The following PCCB variants were observed in gnomAD, a reference collection of about 807,000 sequenced individuals.
PCCB encodes the protein propionyl-CoA carboxylase beta chain, mitochondrial.
PCCB carries 43 observed loss-of-function variants against 60.7 expected under a neutral mutation model. The ratio of observed to expected loss-of-function variants is 0.71; its 90% CI spans 0.55 to 0.91. The LOEUF (loss-of-function observed/expected upper bound fraction) is 0.91, where lower values mean the gene tolerates loss of function less well. Among genes scored for constraint, PCCB ranks in the 40% least tolerant of loss-of-function variants. The pLI is 0.00. For missense variants in PCCB, 766 were observed against 702.8 expected, an observed-to-expected ratio of 1.09 and a Z score of -1.02; for synonymous variants, 276 against 255.9, an observed-to-expected ratio of 1.08 and a Z score of -0.75.
chr3:136,278,766 G>C (rs995671193), intron 5 of PCCB, among the ~76,000 whole-genome samples: 3 of 152,180 alleles, frequency 2.0e-5, no homozygotes, highest in Admixed American at 1.3e-4. Flanking sequence ...TATATACTCT[G>C]TTGTTGGGTG....
At chr3:136,280,546 A>ATG (rs1406181579) in intron 5 of PCCB, among the ~76,000 whole-genome samples, 2 of 152,162 alleles carry the variant, frequency 1.3e-5, no homozygotes, top group African/African-American at 4.8e-5. Context: ...GGGTTTCACC[A>ATG]TGTTGCCCAG....
At chr3:136,252,972 C>A (rs1941558331) in intron 1 of PCCB, among the ~76,000 whole-genome samples, 1 of 147,052 alleles carries the variant, frequency 6.8e-6, no homozygotes, top group East Asian at 2.0e-4. Context: ...AAATAATAGC[C>A]AATTTGAGGT....
chr3:136,329,837 G>C (rs1406014289), intron 14 of PCCB, 68 bp from the exon 15 acceptor site: 1 of 1,579,728 alleles, frequency 6.3e-7, no homozygotes, highest in Non-Finnish European at 8.7e-7. Context: ...CCCAGGCTGA[G>C]CAGAAGGTTG....
At chr3:136,315,433 A>G (rs1934850067) in intron 9 of PCCB, among the ~76,000 whole-genome samples, 1 of 152,208 alleles carries the variant, frequency 6.6e-6, no homozygotes. Flanking sequence ...CGGGAGGCTT[A>G]GGAGAATTGC....
intron 1 of PCCB, chr3:136,251,399 ACT>A (rs1174814562): frequency 6.8e-6 from 3 of 444,156 alleles, no homozygotes; most frequent in Admixed American, 2.4e-5. Context: ...CAGAAGTGAA[ACT>A]CTTACAGATG....
At chr3:136,287,764 C>A (rs1933485909) in intron 6 of PCCB, among the ~76,000 whole-genome samples, 1 of 152,196 alleles carries the variant, frequency 6.6e-6, no homozygotes, top group South Asian at 2.1e-4. Context: ...CATATTCATT[C>A]ATTCCACTGC....
Position 136,261,971 on chromosome 3 carries a change from CGGTG to C in PCCB, c.452_455del (p.Val151GlyfsTer4). 6.4e-7 allele frequency: 1 copy of C among 1,558,666 alleles called. No homozygotes were observed. Among genetic ancestry groups the C allele is most frequent in the Non-Finnish European group, 8.7e-7 (1 of 1,149,776 alleles). On this transcript the variant is annotated frameshift_variant, in exon 5 of 15. Coordinates refer to ENST00000251654, the MANE Select transcript of PCCB (RefSeq NM_000532.5). LOFTEE classifies it high-confidence loss of function. Reference sequence around the variant, plus strand: ...TCTCAGATCATGGACCAGGCCATAACGGTGGGGGCTCCAGTGATTGGGCTGAATG... The same window carrying C: ...TCTCAGATCATGGACCAGGCCATAACGGGGCTCCAGTGATTGGGCTGAATG...
In PCCB at chr3:136,302,889, G is replaced by C. The variant is rs1394503064; in HGVS notation, c.966+1778G>C. Among the ~76,000 whole-genome samples the C allele has an allele frequency of 1.6e-5, 2 of 122,036 alleles. 1 individual carries two copies. Among genetic ancestry groups the C allele is most frequent in the Non-Finnish European group, 3.7e-5 (2 of 54,776 alleles). 80.1% of individuals were successfully genotyped at this position (122,036 alleles called of 152,430 possible). ...CTTTCATGCCAGGAGCTCAAAACCA[G>C]CCTGGACAACATAATGAGTCACCAT... On this transcript the variant is annotated intron_variant, in intron 9 of 14. Coordinates refer to ENST00000251654, the MANE Select transcript of PCCB (RefSeq NM_000532.5).
intron 9 of PCCB, among the ~76,000 whole-genome samples, chr3:136,308,385 G>A (rs974895403): frequency 6.6e-6 from 1 of 152,040 alleles, no homozygotes; most frequent in Non-Finnish European, 1.5e-5. Context: ...ACTGCTAAAA[G>A]CCATAGTTCA....
At chr3:136,305,039 C>G (rs1038092522) in intron 9 of PCCB, among the ~76,000 whole-genome samples, 1 of 121,114 alleles carries the variant, frequency 8.3e-6, no homozygotes, top group African/African-American at 2.5e-5. Flanking sequence ...ATTAGGGTCC[C>G]CCTCTTATGG....
intron 10 of PCCB, among the ~76,000 whole-genome samples, chr3:136,319,035 A>G (rs1398793565): frequency 1.3e-5 from 2 of 152,182 alleles, no homozygotes; most frequent in East Asian, 1.9e-4. Context: ...CCCACCAGCA[A>G]TGTGCAAGGG....
intron 12 of PCCB, 125 bp downstream of exon 12, chr3:136,327,380 C>T: frequency 1.3e-6 from 1 of 792,400 alleles, no homozygotes; most frequent in Non-Finnish European, 2.2e-6. Context: ...AAAAAGATCT[C>T]TTGAGGATGT....
chr3:136,262,854 A>G (rs1428286448), intron 5 of PCCB, among the ~76,000 whole-genome samples: 1 of 152,114 alleles, frequency 6.6e-6, no homozygotes, highest in Non-Finnish European at 1.5e-5. Flanking sequence ...GAAACAAAAG[A>G]GCGGCCCTCA....
intron 9 of PCCB, among the ~76,000 whole-genome samples, chr3:136,302,029 A>G (rs1391507330): frequency 1.3e-5 from 2 of 152,204 alleles, no homozygotes; most frequent in Non-Finnish European, 2.9e-5. Flanking sequence ...GTTCAGCCCA[A>G]AGCAGGAGAG....
At chr3:136,327,917 G>A (rs1935387917) in intron 13 of PCCB, among the ~76,000 whole-genome samples, 185 bp downstream of exon 13, 1 of 152,180 alleles carries the variant, frequency 6.6e-6, no homozygotes. Context: ...TCTGCCTCCT[G>A]TCCTATACCC....
chr3:136,315,004 A>G (rs1227462985), intron 9 of PCCB, among the ~76,000 whole-genome samples: 3 of 152,224 alleles, frequency 2.0e-5, no homozygotes, highest in African/African-American at 7.2e-5. Context: ...TTAAACATGA[A>G]GAAATACCAA....
intron 7 of PCCB, among the ~76,000 whole-genome samples, 166 bp downstream of exon 7, chr3:136,294,030 A>G (rs1448216019): frequency 1.3e-5 from 2 of 152,230 alleles, no homozygotes; most frequent in African/African-American, 4.8e-5. Context: ...GTTTACAGAT[A>G]TAGTGATAAA....
intron 5 of PCCB, among the ~76,000 whole-genome samples, chr3:136,268,094 A>ATATATATATATATGTG (rs1553775741): frequency 1.6e-5 from 1 of 64,324 alleles, no homozygotes; most frequent in Non-Finnish European, 3.0e-5. Context: ...GTAGATATAT[A>ATATATATATATATGTG]TATATATATA....
chr3:136,314,019 G>A (rs1270292230), intron 9 of PCCB, among the ~76,000 whole-genome samples: 5 of 148,054 alleles, frequency 3.4e-5, no homozygotes, highest in South Asian at 2.2e-4. Context: ...GACTTTGGAC[G>A]TTTTAGAAGG....
Sources: gnomAD v4.1 joint callset for allele counts (sites outside exome capture counted in the v4.1 genomes callset) on GRCh38, gnomAD v4.1.1 for gene constraint, MANE v1.5 for transcripts, NCBI Gene and HGNC (gene_info 2026-07-23, HGNC 2026-07-21) for gene names.